LHFPL6: variants seen among roughly 807,000 people sequenced by gnomAD.
The protein encoded by LHFPL6 is LHFPL tetraspan subfamily member 6 protein.
LHFPL6 carries 9 observed loss-of-function variants against 20.6 expected under a neutral mutation model. The ratio of observed to expected loss-of-function variants is 0.44; its 90% confidence interval spans 0.26 to 0.76. LHFPL6 has a LOEUF of 0.76. Among genes scored for constraint, LHFPL6 ranks in the 30% least tolerant of loss-of-function variants. The pLI is 0.20. For synonymous variants in LHFPL6, 105 were observed against 98.7 expected (o/e 1.06, Z -0.38); for missense variants, 218 against 253.5 (o/e 0.86, Z 0.95).
intron 2 of LHFPL6, among the ~76,000 whole-genome samples, chr13:39,499,205 G>A (rs1368964545): frequency 6.6e-6 from 1 of 152,150 alleles, no homozygotes; most frequent in Non-Finnish European, 1.5e-5. Flanking sequence ...ACTATTAAGA[G>A]CACCAACCAA....
chr13:39,533,456 T>C (rs991766331), intron 2 of LHFPL6, among the ~76,000 whole-genome samples: 2 of 152,188 alleles, frequency 1.3e-5, no homozygotes, highest in Non-Finnish European at 2.9e-5. Context: ...ACCTTTCTTC[T>C]AAAGGTATGG....
chr13:39,433,677 TGG>T (rs1566110636), intron 2 of LHFPL6, among the ~76,000 whole-genome samples: 2 of 152,180 alleles, frequency 1.3e-5, no homozygotes, highest in Non-Finnish European at 2.9e-5. Context: ...ATAATAAAAC[TGG>T]CAAGTTAAGT....
intron 2 of LHFPL6, among the ~76,000 whole-genome samples, chr13:39,474,005 A>C (rs1873014397): frequency 6.6e-6 from 1 of 152,244 alleles, no homozygotes; most frequent in South Asian, 2.1e-4. Flanking sequence ...GTTAGGACAG[A>C]GTTTGGGGAA....
At chr13:39,423,323 A>C (rs1251985403) in intron 2 of LHFPL6, among the ~76,000 whole-genome samples, 2 of 152,252 alleles carry the variant, frequency 1.3e-5, no homozygotes, top group African/African-American at 4.8e-5. Flanking sequence ...TTTCAACTAC[A>C]TAATGCAATA....
At chr13:39,456,547 C>A (rs1046711589) in intron 2 of LHFPL6, among the ~76,000 whole-genome samples, 1 of 152,080 alleles carries the variant, frequency 6.6e-6, no homozygotes, top group African/African-American at 2.4e-5. Context: ...CCCAGTAATG[C>A]AAGGCAATTA....
At chr13:39,582,929 A>G (rs763469687) in intron 2 of LHFPL6, among the ~76,000 whole-genome samples, 66 of 152,314 alleles carry the variant, frequency 4.3e-4, no homozygotes, top group Admixed American at 1.3e-3. Context: ...GGTTAAAAGT[A>G]TATATACAAC....
At chr13:39,590,841 G>T (rs1376968034) in intron 2 of LHFPL6, among the ~76,000 whole-genome samples, 3 of 152,136 alleles carry the variant, frequency 2.0e-5, no homozygotes, top group Admixed American at 6.5e-5. Flanking sequence ...GTTTTCACAA[G>T]ATAGGTCAAC....
At chr13:39,561,261 A>G (rs1188004914) in intron 2 of LHFPL6, among the ~76,000 whole-genome samples, 1 of 151,946 alleles carries the variant, frequency 6.6e-6, no homozygotes, top group African/African-American at 2.4e-5. Context: ...ATTACTTGTC[A>G]ACCTCTCCCT....
At chr13:39,583,489 A>C (rs568723248) in intron 2 of LHFPL6, among the ~76,000 whole-genome samples, 2 of 152,146 alleles carry the variant, frequency 1.3e-5, no homozygotes, top group African/African-American at 2.4e-5. Context: ...GCAAAACTCT[A>C]ACAGTTGTAC....
At chr13:39,573,722 G>GA (rs550926072) in intron 2 of LHFPL6, among the ~76,000 whole-genome samples, 2 of 146,276 alleles carry the variant, frequency 1.4e-5, no homozygotes, top group Non-Finnish European at 1.5e-5. Flanking sequence ...AATAACTAAA[G>GA]AAAAAAAAAG....
At chr13:39,508,636 A>T (rs1324274660) in intron 2 of LHFPL6, among the ~76,000 whole-genome samples, 9 of 152,190 alleles carry the variant, frequency 5.9e-5, no homozygotes, top group Admixed American at 5.9e-4. Context: ...TTTGAGATTT[A>T]TCTGCATTGT....
At chr13:39,364,884 T>C (rs1869971370) in intron 3 of LHFPL6, among the ~76,000 whole-genome samples, 1 of 152,182 alleles carries the variant, frequency 6.6e-6, no homozygotes. Context: ...CCTTGCTTCT[T>C]AGCACTGAAT....
chr13:39,455,635 C>A (rs1872551880), intron 2 of LHFPL6, among the ~76,000 whole-genome samples: 1 of 152,188 alleles, frequency 6.6e-6, no homozygotes, highest in African/African-American at 2.4e-5. Context: ...AGGACAATAA[C>A]CTGATTTTAT....
At chr13:39,421,410 G>A (rs1871481218) in intron 2 of LHFPL6, among the ~76,000 whole-genome samples, 1 of 152,146 alleles carries the variant, frequency 6.6e-6, no homozygotes, top group Admixed American at 6.5e-5. Flanking sequence ...ATACTGTGAT[G>A]AAATAGATTC....
intron 2 of LHFPL6, among the ~76,000 whole-genome samples, chr13:39,443,641 A>T (rs1872200774): frequency 6.6e-6 from 1 of 152,098 alleles, no homozygotes; most frequent in African/African-American, 2.4e-5. Context: ...CATGGTCAGA[A>T]TGTTGGTAGA....
chr13:39,533,141 A>G (rs2138496644), intron 2 of LHFPL6, among the ~76,000 whole-genome samples: 1 of 152,314 alleles, frequency 6.6e-6, no homozygotes, highest in East Asian at 1.9e-4. Flanking sequence ...AGTCATTTGT[A>G]TCTCCAATAT....
chr13:39,481,924 G>A (rs189312586), intron 2 of LHFPL6, among the ~76,000 whole-genome samples: 13 of 152,238 alleles, frequency 8.5e-5, no homozygotes, highest in Admixed American at 7.2e-4. Context: ...AGATGATGGT[G>A]CCTGCTCTGA....
chr13:39,508,215 G>A (rs1869559561), intron 2 of LHFPL6, among the ~76,000 whole-genome samples: 1 of 151,970 alleles, frequency 6.6e-6, no homozygotes, highest in African/African-American at 2.4e-5. Context: ...AGTAAAGGTG[G>A]GGTTTCACCA....
At chr13:39,555,446 T>TCACA (rs373946825) in intron 2 of LHFPL6, among the ~76,000 whole-genome samples, 1 of 151,842 alleles carries the variant, frequency 6.6e-6, no homozygotes, top group African/African-American at 2.4e-5. Context: ...AGTTCTGTAA[T>TCACA]CACACACACA....
Sources: gnomAD v4.1 joint callset for allele counts (sites outside exome capture counted in the v4.1 genomes callset) on GRCh38, gnomAD v4.1.1 for gene constraint, MANE v1.5 for transcripts, NCBI Gene and HGNC (gene_info 2026-07-23, HGNC 2026-07-21) for gene names.